The following LMO4 variants were observed in gnomAD, a reference collection of about 807,000 sequenced individuals.
LMO4 encodes the protein LIM domain only 4.
LMO4 carries 3 observed loss-of-function variants against 18.5 expected under a neutral mutation model. That is an observed-to-expected ratio of 0.16 (90% CI 0.07 to 0.42). The LOEUF (loss-of-function observed/expected upper bound fraction) is 0.42. LMO4 is among the 10% of genes least tolerant of loss of function. The pLI, the probability that LMO4 is intolerant of heterozygous loss-of-function variation, is 0.99. For synonymous variants in LMO4, 100 were observed against 88.1 expected, an observed-to-expected ratio of 1.14 and a Z score of -0.76; for missense variants, 121 against 219.9, an observed-to-expected ratio of 0.55 and a Z score of 2.84.
intron 2 of LMO4, among the ~76,000 whole-genome samples, chr1:87,336,040 T>TCCCTCCCCTCTCGAATGCAGCAGTTGTG (rs142291969): frequency 6.6e-6 from 1 of 151,896 alleles, no homozygotes; most frequent in African/African-American, 2.4e-5. Context: ...TTTTTTTTCC[T>TCCCTCCCCTCTCGAATGCAGCAGTTGTG]ATTATGCACA....
At chr1:87,329,497 C>T (rs1650067506) in intron 1 of LMO4, among the ~76,000 whole-genome samples, 1 of 144,928 alleles carries the variant, frequency 6.9e-6, no homozygotes, top group South Asian at 2.2e-4. Flanking sequence ...GGAAACGGGG[C>T]TGGTGGGGAC....
intron 4 of LMO4, among the ~76,000 whole-genome samples, chr1:87,342,242 G>A (rs1043762814): frequency 1.3e-5 from 2 of 152,206 alleles, no homozygotes; most frequent in African/African-American, 4.8e-5. Context: ...ACAGGCAATA[G>A]CAGTGTTAGG....
intron 1 of LMO4, among the ~76,000 whole-genome samples, chr1:87,330,868 A>C (rs1650118665): frequency 6.6e-6 from 1 of 152,216 alleles, no homozygotes; most frequent in African/African-American, 2.4e-5. Context: ...TCGGGATTGA[A>C]GGCAACAAAT....
intron 2 of LMO4, among the ~76,000 whole-genome samples, chr1:87,339,241 T>C (rs1415162499): frequency 2.6e-5 from 4 of 151,006 alleles, no homozygotes; most frequent in Admixed American, 6.6e-5. Flanking sequence ...TTTTTTTTTA[T>C]GATGAACCTA....
chr1:87,341,555 G>T (rs998585674), intron 4 of LMO4, among the ~76,000 whole-genome samples: 1 of 152,152 alleles, frequency 6.6e-6, no homozygotes, highest in Non-Finnish European at 1.5e-5. Flanking sequence ...TAGTGCGGTG[G>T]TGGAGGTGGG....
At chr1:87,334,507 A>C (rs1241128351) in intron 2 of LMO4, among the ~76,000 whole-genome samples, 2 of 152,200 alleles carry the variant, frequency 1.3e-5, no homozygotes, top group Admixed American at 1.3e-4. Context: ...AGGAGCTTTC[A>C]ATGCCGCAGG....
chr1:87,333,942 C>CA (rs78559370), intron 2 of LMO4, among the ~76,000 whole-genome samples: 3,630 of 109,736 alleles, frequency 0.033, 47 homozygotes, highest in African/African-American at 0.059. Flanking sequence ...CGAGTGCCTT[C>CA]AAAAAAAAAA....
intron 4 of LMO4, among the ~76,000 whole-genome samples, chr1:87,342,784 T>C (rs1253843142): frequency 6.6e-6 from 1 of 152,094 alleles, no homozygotes; most frequent in Non-Finnish European, 1.5e-5. Flanking sequence ...CAGAGAGATA[T>C]TAATGAGAGG....
chr1:87,343,424 G>A (rs1251793199), intron 4 of LMO4, among the ~76,000 whole-genome samples: 1 of 152,160 alleles, frequency 6.6e-6, no homozygotes, highest in Non-Finnish European at 1.5e-5. Context: ...CTTCTAGAGG[G>A]TTATGTAAAT....
At chr1:87,338,048 G>A (rs546107538) in intron 2 of LMO4, among the ~76,000 whole-genome samples, 6 of 152,128 alleles carry the variant, frequency 3.9e-5, no homozygotes, top group Admixed American at 6.5e-5. Context: ...TTTGTTTCTC[G>A]GGCTTCCTAT....
intron 2 of LMO4, among the ~76,000 whole-genome samples, chr1:87,335,481 G>C (rs1212073601): frequency 6.6e-6 from 1 of 151,844 alleles, no homozygotes; most frequent in Non-Finnish European, 1.5e-5. Context: ...CAGGGCGGGA[G>C]CCGGGCGAGC....
chr1:87,335,153 C>G (rs1199844681), intron 2 of LMO4, among the ~76,000 whole-genome samples: 3 of 152,172 alleles, frequency 2.0e-5, no homozygotes, highest in Non-Finnish European at 4.4e-5. Context: ...CCCCCACCCC[C>G]GGCTCCCGAC....
chr1:87,336,793 C>T (rs1368004447), intron 2 of LMO4, among the ~76,000 whole-genome samples: 1 of 152,128 alleles, frequency 6.6e-6, no homozygotes, highest in Non-Finnish European at 1.5e-5. Flanking sequence ...CTTTAATTAG[C>T]CTGACCTGGG....
At chr1:87,335,133 A>G (rs1650267420) in intron 2 of LMO4, among the ~76,000 whole-genome samples, 3 of 152,044 alleles carry the variant, frequency 2.0e-5, no homozygotes, top group Admixed American at 1.3e-4. Context: ...GAACCTTGGG[A>G]CTGCCCCTTC....
intron 2 of LMO4, among the ~76,000 whole-genome samples, chr1:87,336,001 T>C (rs1194228677): frequency 6.6e-6 from 1 of 152,168 alleles, no homozygotes; most frequent in Non-Finnish European, 1.5e-5. Flanking sequence ...TCTGTTACTC[T>C]GAATTAACCA....
rs1365240954 is a variant in LMO4 at position 87,347,628 on chromosome 1, C to G, written c.*2832C>G. 6.6e-6 allele frequency: 1 copy of G among 152,144 alleles called. No homozygotes were observed. The highest frequency in any genetic ancestry group is 2.4e-5 in the African/African-American group (1 of 41,426). 9.4% of individuals were successfully genotyped at this position (152,144 alleles called of 1,614,324 possible). A position where few individuals can be genotyped will look rare whatever the true frequency, so the allele number is the denominator to read the frequency against. On this transcript the variant is annotated 3_prime_UTR_variant, in exon 5 of 5. Coordinates refer to ENST00000370544, the MANE Select transcript of LMO4 (RefSeq NM_006769.4). ...AAGCAAGTGCAATTAAAAATAAAAG[C>G]AAATGTTACTGAGCCCTGCTGAACT... is the stretch of plus-strand genomic sequence containing the variant.
rs981844590 is a variant in LMO4, at chr1:87,346,145, C to A, written c.*1349C>A. ...GTGACCCTTAGGCTCGTGTGGTTGGCTGTAAGGTGTTTATTTTGTTTTGCT... is the reference window on the plus strand; with the variant it reads ...GTGACCCTTAGGCTCGTGTGGTTGGATGTAAGGTGTTTATTTTGTTTTGCT... On this transcript the variant is annotated 3_prime_UTR_variant, in exon 5 of 5. Coordinates refer to ENST00000370544, the MANE Select transcript of LMO4 (RefSeq NM_006769.4). The A allele has an allele frequency of 2.0e-5, 3 of 152,058 alleles. No individual in the cohort carries two copies. Among genetic ancestry groups the A allele is most frequent in the African/African-American group, 7.3e-5 (3 of 41,378 alleles). 9.4% of individuals were successfully genotyped at this position (152,058 alleles called of 1,614,324 possible).
chr1:87,344,401 A>C (rs1650573124), intron 4 of LMO4, among the ~76,000 whole-genome samples: 1 of 152,234 alleles, frequency 6.6e-6, no homozygotes, highest in Non-Finnish European at 1.5e-5. Context: ...ATGAACCCAA[A>C]ACTTCCTAGG....
chr1:87,338,797 G>C (rs913238073), intron 2 of LMO4, among the ~76,000 whole-genome samples: 3 of 152,072 alleles, frequency 2.0e-5, no homozygotes, highest in African/African-American at 7.2e-5. Flanking sequence ...TCCAGATCCC[G>C]GTAAATTACT....
Sources: gnomAD v4.1 joint callset for allele counts (sites outside exome capture counted in the v4.1 genomes callset) on GRCh38, gnomAD v4.1.1 for gene constraint, MANE v1.5 for transcripts, NCBI Gene and HGNC (gene_info 2026-07-23, HGNC 2026-07-21) for gene names.